The following PARD6G variants were observed in gnomAD, a reference collection of about 807,000 sequenced individuals.
PARD6G encodes the protein partitioning defective 6 homolog gamma.
Under a neutral mutation model 10.7 loss-of-function variants are expected in PARD6G, and 7 were observed. The ratio of observed to expected loss-of-function variants is 0.66; its 90% confidence interval spans 0.37 to 1.23. The LOEUF is 1.23. Ranked by LOEUF, PARD6G falls within the 50% of genes most tolerant of loss-of-function variation. The pLI is 0.02. For synonymous variants in PARD6G, 287 were observed against 269.4 expected (o/e 1.07, Z -0.64); for missense variants, 548 against 571.8 (o/e 0.96, Z 0.42).
intron 1 of PARD6G, among the ~76,000 whole-genome samples, chr18:80,226,151 GTTTTTTTTTTTTT>G (rs10606939): frequency 7.8e-5 from 6 of 76,570 alleles, no homozygotes; most frequent in East Asian, 4.6e-4. Context: ...AATGACTTCA[GTTTTTTTTTTTTT>G]TTTTTTTTTT....
intron 2 of PARD6G, among the ~76,000 whole-genome samples, chr18:80,187,116 G>C (rs952119481): frequency 6.6e-6 from 1 of 151,418 alleles, no homozygotes; most frequent in African/African-American, 2.4e-5. Flanking sequence ...AAAAAAAAGA[G>C]AAATCAAGGA....
At chr18:80,245,806 T>A (rs1646295110) in intron 1 of PARD6G, among the ~76,000 whole-genome samples, 1 of 151,882 alleles carries the variant, frequency 6.6e-6, no homozygotes, top group Non-Finnish European at 1.5e-5. Context: ...GCACACTTGA[T>A]TTGGGGGAGC....
intron 1 of PARD6G, among the ~76,000 whole-genome samples, chr18:80,225,698 C>T (rs1384214004): frequency 6.6e-6 from 1 of 152,164 alleles, no homozygotes; most frequent in African/African-American, 2.4e-5. Context: ...CTTTTGCACC[C>T]AAATCAAGAC....
intron 1 of PARD6G, among the ~76,000 whole-genome samples, chr18:80,204,965 A>G (rs1192034612): frequency 1.3e-5 from 2 of 152,060 alleles, no homozygotes; most frequent in African/African-American, 2.4e-5. Flanking sequence ...AATAATAATA[A>G]TAATAACAAT....
intron 2 of PARD6G, chr18:80,171,437 G>A (rs1372722850): frequency 6.6e-6 from 1 of 152,268 alleles, no homozygotes; most frequent in Admixed American, 6.5e-5. Flanking sequence ...CAGGCACCCG[G>A]TTGCCGGCAT....
intron 1 of PARD6G, among the ~76,000 whole-genome samples, chr18:80,239,449 A>G (rs1159369675): frequency 6.6e-6 from 1 of 152,246 alleles, no homozygotes; most frequent in Non-Finnish European, 1.5e-5. Flanking sequence ...TGAGCTAAAA[A>G]AAAAATTACC....
At position 80,234,298 on chromosome 18, in the gene PARD6G, A is replaced by C. The variant is rs549771242; in HGVS notation, c.72+12979T>G. On this transcript the variant is annotated intron_variant, in intron 1 of 2. Coordinates refer to ENST00000353265, the MANE Select transcript of PARD6G (RefSeq NM_032510.4). The stretch of plus-strand genomic sequence containing the variant: ...CCCAGAGATTGATCAGCTGGTGTGA[A>C]CTCAAGGAAAGCCAGGAAATGCATA... Among the ~76,000 whole-genome samples, 58 of 152,268 alleles carry C rather than the reference A, an allele frequency of 3.8e-4. 1 individual carries two copies. The Middle Eastern group carries it at 0.017, about 45-fold the overall frequency.
chr18:80,183,936 A>G lies in PARD6G; in HGVS notation c.295+18774T>C, dbSNP rs2052860129. 1 of 152,266 alleles carries G rather than the reference A, an allele frequency of 6.6e-6. No individual in the cohort carries two copies. The highest frequency in any genetic ancestry group is 2.1e-4 in the South Asian group (1 of 4,834). The allele number at this position is 152,266 out of a possible 1,614,324, so 9.4% of individuals were successfully genotyped here. On this transcript the variant is annotated intron_variant, in intron 2 of 2. Coordinates refer to ENST00000353265, the MANE Select transcript of PARD6G (RefSeq NM_032510.4). This position sits in a 1 kb window ranked among gnomAD's most constrained non-coding sequence, Gnocchi z 4.5. ...GAATGCCAATTCCAGTGTCCTGTGC[A>G]GTGATGACCACACTGTTAGAAGCAT...
At chr18:80,235,675 C>T (rs1183702960) in intron 1 of PARD6G, among the ~76,000 whole-genome samples, 2 of 152,098 alleles carry the variant, frequency 1.3e-5, no homozygotes, top group Non-Finnish European at 2.9e-5. Context: ...AAGGGAATAT[C>T]GCCACCGATC....
chr18:80,178,873 A>G (rs1217070896), intron 2 of PARD6G, among the ~76,000 whole-genome samples: 1 of 152,076 alleles, frequency 6.6e-6, no homozygotes, highest in Non-Finnish European at 1.5e-5. Flanking sequence ...AAACAGTGTG[A>G]AGGTGTCAAG....
intron 1 of PARD6G, among the ~76,000 whole-genome samples, chr18:80,238,860 G>C (rs1370660224): frequency 6.6e-6 from 1 of 151,956 alleles, no homozygotes; most frequent in Non-Finnish European, 1.5e-5. Flanking sequence ...CAGAATCGGG[G>C]GGCGGGCGGG....
rs577786354 is a variant in PARD6G at position 80,159,922 on chromosome 18, T to C, written c.980A>G (p.Asn327Ser). 5.4e-5 allele frequency: 82 copies of C among 1,508,146 alleles called. No homozygotes were observed. The highest frequency in any genetic ancestry group is 1.0e-4 in the South Asian group (8 of 79,324). 93.4% of individuals were successfully genotyped at this position (1,508,146 alleles called of 1,614,324 possible). A position where few individuals can be genotyped will look rare whatever the true frequency, so the allele number is the denominator to read the frequency against. ...GAPAGSLSRV[N>S]GAGLAQRLQR... The stretch of plus-strand genomic sequence containing the variant: ...CAGCCGCTGCGCCAGGCCCGCGCCA[T>C]TGACCCGGGAGAGGCTGCCTGCGGG... Residue 327 changes from asparagine to serine, a missense_variant, in exon 3 of 3, where the codon AAT becomes AGT. By Grantham distance (46) the Asn-to-Ser change is conservative. Around this residue, in one of 2 missense-constraint regions of PARD6G, gnomAD observed 313 missense variants for 279.9 expected, o/e 1.12. Transcript: ENST00000353265.
intron 1 of PARD6G, among the ~76,000 whole-genome samples, chr18:80,224,338 A>G (rs1447723549): frequency 1.3e-5 from 2 of 152,212 alleles, no homozygotes; most frequent in East Asian, 1.9e-4. Flanking sequence ...ATGACTCTAG[A>G]AGGTATGAAA....
rs1279789156 is a variant in PARD6G, at chr18:80,192,181, T to C, written c.295+10529A>G. On this transcript the variant is annotated intron_variant, in intron 2 of 2. Transcript: ENST00000353265. The surrounding 1 kb of genome is among the most constrained non-coding windows in gnomAD (Gnocchi z 4.9). ...CAGACTGCGCATTCTCTACGAGACATGATATGACAGTGACCCCTTCGTTCA... is the reference window on the plus strand; with the variant it reads ...CAGACTGCGCATTCTCTACGAGACACGATATGACAGTGACCCCTTCGTTCA... 6.6e-6 allele frequency among the ~76,000 whole-genome samples: 1 copy of C among 152,186 alleles called. No individual in the cohort carries two copies. Among genetic ancestry groups the C allele is most frequent in the Admixed American group, 6.5e-5 (1 of 15,272 alleles).
intron 2 of PARD6G, among the ~76,000 whole-genome samples, chr18:80,165,740 A>G (rs1364724961): frequency 6.6e-6 from 1 of 152,026 alleles, no homozygotes; most frequent in Non-Finnish European, 1.5e-5. Flanking sequence ...TGTTTTGAAA[A>G]AACATGGTGT....
chr18:80,209,263 T>A (rs1568437768), intron 1 of PARD6G, among the ~76,000 whole-genome samples: 2 of 152,118 alleles, frequency 1.3e-5, no homozygotes, highest in South Asian at 4.1e-4. Flanking sequence ...AGCCTATGAA[T>A]CCCATGTTTA....
In PARD6G at chr18:80,181,971, A is replaced by G. The variant is rs370217323; in HGVS notation, c.295+20739T>C. ...CGTTTCCAGTGGAGAAGCCCTTTGC[A>G]GAGTTCAGAGCTCTCGCAGGCCTCG... is the stretch of plus-strand genomic sequence containing the variant. On this transcript the variant is annotated intron_variant, in intron 2 of 2. Transcript: ENST00000353265. This position sits in a 1 kb window ranked among gnomAD's most constrained non-coding sequence, Gnocchi z 7.9. 2.6e-5 allele frequency among the ~76,000 whole-genome samples: 4 copies of G among 152,182 alleles called. No individual in the cohort carries two copies. Among genetic ancestry groups the G allele is most frequent in the African/African-American group, 7.2e-5 (3 of 41,438 alleles).
At position 80,224,888 on chromosome 18, in the gene PARD6G, G is replaced by T. The variant is rs1414625027; in HGVS notation, c.73-21956C>A. 3.3e-5 allele frequency among the ~76,000 whole-genome samples: 5 copies of T among 152,088 alleles called. No homozygotes were observed. In the South Asian group the frequency reaches 6.2e-4, roughly 19 times the overall value. ...GACAGTCCAAGCCCCTGCACTGAAGGCTCAGAGAGGGTGAAAGACTTGCCC... is the reference window on the plus strand; with the variant it reads ...GACAGTCCAAGCCCCTGCACTGAAGTCTCAGAGAGGGTGAAAGACTTGCCC... On this transcript the variant is annotated intron_variant, in intron 1 of 2. Coordinates refer to ENST00000353265, the MANE Select transcript of PARD6G (RefSeq NM_032510.4).
chr18:80,240,742 C>T (rs1967480549), intron 1 of PARD6G, among the ~76,000 whole-genome samples: 1 of 152,120 alleles, frequency 6.6e-6, no homozygotes, highest in South Asian at 2.1e-4. Context: ...ACTGGTCTTG[C>T]GGGGTGGTGG....
Sources: allele counts gnomAD v4.1 joint callset (sites outside exome capture counted in the v4.1 genomes callset), GRCh38; gene constraint gnomAD v4.1.1; regional missense constraint gnomAD v4.1.1; non-coding constraint Gnocchi (gnomAD v3.1); transcripts MANE v1.5; gene names NCBI Gene and HGNC (gene_info 2026-07-23, HGNC 2026-07-21).